Variants in AEBP2 observed in about 807,000 individuals in gnomAD.
AEBP2 encodes the protein zinc finger protein AEBP2.
AEBP2 carries 10 observed loss-of-function variants against 50.8 expected under a neutral mutation model. The ratio of observed to expected loss-of-function variants is 0.20; its 90% CI spans 0.12 to 0.33. AEBP2 has a LOEUF of 0.33. Among genes scored for constraint, AEBP2 ranks in the 10% least tolerant of loss-of-function variants. The pLI, the probability that AEBP2 is intolerant of heterozygous loss-of-function variation, is 1.00. For synonymous variants in AEBP2, 296 were observed against 261.3 expected (o/e 1.13, Z -1.28); for missense variants, 570 against 688.0 (o/e 0.83, Z 1.92).
intron 1 of AEBP2, among the ~76,000 whole-genome samples, chr12:19,447,889 G>A (rs990800275): frequency 4.3e-4 from 65 of 152,310 alleles, no homozygotes; most frequent in African/African-American, 1.5e-3. Context: ...GAGCTCGAAT[G>A]CGAGGGTGCT....
At chr12:19,454,764 C>T (rs12809305) in intron 1 of AEBP2, among the ~76,000 whole-genome samples, 2 of 151,896 alleles carry the variant, frequency 1.3e-5, no homozygotes, top group Non-Finnish European at 2.9e-5. Context: ...ACCAAAGATA[C>T]GGCAGGTGGG....
chr12:19,511,267 A>G (rs934058429), intron 5 of AEBP2, among the ~76,000 whole-genome samples: 7 of 152,198 alleles, frequency 4.6e-5, no homozygotes. Flanking sequence ...TGAATATGAT[A>G]ACTGTTCTTC....
upstream of AEBP2, among the ~76,000 whole-genome samples, chr12:19,437,745 A>AT (rs1346474656): frequency 6.6e-6 from 1 of 152,196 alleles, no homozygotes; most frequent in Non-Finnish European, 1.5e-5. Flanking sequence ...AATACCTTAC[A>AT]TTGTATGTGC....
At chr12:19,510,865 CTT>C (rs58870259) in intron 5 of AEBP2, among the ~76,000 whole-genome samples, 9 of 89,028 alleles carry the variant, frequency 1.0e-4, no homozygotes, top group African/African-American at 3.4e-4. Flanking sequence ...AAGGTAGTGA[CTT>C]TTTTTTTTTT....
Position 19,439,772 on chromosome 12 carries a change from C to T in AEBP2, c.73C>T (p.Pro25Ser). 2.6e-6 allele frequency: 4 copies of T among 1,515,526 alleles called. No individual in the cohort carries two copies. In the South Asian group the frequency reaches 3.6e-5, roughly 14 times the overall value. 93.9% of individuals were successfully genotyped at this position (1,515,526 alleles called of 1,614,324 possible). A position where few individuals can be genotyped will look rare whatever the true frequency, so the allele number is the denominator to read the frequency against. ...CCTGAGCCCTCTGCCCCCCGGCAGC[C>T]CGGGTTCGGCGGCGCGGGGCCGGGC... ...SRLSPLPPGS[P>S]GSAARGRAEP... The change falls in exon 1 of 8, where the codon CCG becomes TCG. Residue 25 changes from proline (P) to serine (S), a missense_variant. Around this residue, in one of 2 missense-constraint regions of AEBP2, gnomAD observed 386 missense variants for 336.8 expected, o/e 1.15. Coordinates refer to ENST00000266508, the MANE Select transcript of AEBP2 (RefSeq NM_153207.5).
Sources: allele counts gnomAD v4.1 joint callset (sites outside exome capture counted in the v4.1 genomes callset), GRCh38; gene constraint gnomAD v4.1.1; regional missense constraint gnomAD v4.1.1; transcripts MANE v1.5; gene names NCBI Gene and HGNC (gene_info 2026-07-23, HGNC 2026-07-21).